The following MAPRE1 variants were observed in gnomAD, a reference collection of about 807,000 sequenced individuals.
MAPRE1 encodes microtubule associated protein RP/EB family member 1.
MAPRE1 carries 5 observed loss-of-function variants against 32.1 expected under a neutral mutation model. The observed-to-expected ratio is 0.16, with a 90% CI of 0.08 to 0.33. The LOEUF (loss-of-function observed/expected upper bound fraction) is 0.33, where lower values mean the gene tolerates loss of function less well. Among genes scored for constraint, MAPRE1 ranks in the 10% least tolerant of loss-of-function variants. MAPRE1 has a pLI of 1.00. For synonymous variants in MAPRE1, 122 were observed against 118.9 expected (o/e 1.03, Z -0.17); for missense variants, 209 against 327.2 (o/e 0.64, Z 2.79).
intron 4 of MAPRE1, among the ~76,000 whole-genome samples, chr20:32,837,719 G>A (rs761356745): frequency 6.6e-6 from 1 of 152,166 alleles, no homozygotes; most frequent in Non-Finnish European, 1.5e-5. Context: ...AAGTTAAACG[G>A]TTTTTAATAT....
intron 2 of MAPRE1, among the ~76,000 whole-genome samples, chr20:32,830,010 C>T (rs1982973344): frequency 6.6e-6 from 1 of 152,014 alleles, no homozygotes; most frequent in Admixed American, 6.6e-5. Flanking sequence ...GTGAATTGTT[C>T]CTGTGTTGCA....
chr20:32,838,699 C>CG (rs1279919134), intron 4 of MAPRE1, among the ~76,000 whole-genome samples: 1 of 152,174 alleles, frequency 6.6e-6, no homozygotes, highest in African/African-American at 2.4e-5. Context: ...TAGATAACCC[C>CG]GTGCATTTCA....
intron 5 of MAPRE1, among the ~76,000 whole-genome samples, chr20:32,846,295 T>C (rs1246377105): frequency 6.6e-6 from 1 of 152,222 alleles, no homozygotes; most frequent in Non-Finnish European, 1.5e-5. Context: ...GGACTCAGTT[T>C]ATGATTGTCA....
chr20:32,819,907 G>A (rs1161336465), upstream of MAPRE1: 1 of 142,192 alleles, frequency 7.0e-6, no homozygotes, highest in Non-Finnish European at 1.6e-5. Context: ...ACGTCGGCGC[G>A]TAACGAGGGG....
At chr20:32,835,058 G>A (rs1568879842) in intron 3 of MAPRE1, among the ~76,000 whole-genome samples, 1 of 152,074 alleles carries the variant, frequency 6.6e-6, no homozygotes, top group Non-Finnish European at 1.5e-5. Flanking sequence ...GGAATCTTTG[G>A]AGATTAAAAG....
chr20:32,841,152 C>T (rs76226914), intron 5 of MAPRE1, among the ~76,000 whole-genome samples: 2,044 of 152,286 alleles, frequency 0.013, 42 homozygotes, highest in African/African-American at 0.047. Context: ...GTGTGTGCCC[C>T]GTGGTCTTAG....
At position 32,849,389 on chromosome 20, in the gene MAPRE1, C is replaced by T. The variant is rs1342394396; in HGVS notation, c.*661C>T. ...AGCTAAAAAGCAAGAGGCATCGTTG[C>T]CTGGATAATAGAGGATGTGTTTCAG... is the stretch of plus-strand genomic sequence containing the variant. On this transcript the variant is annotated 3_prime_UTR_variant, in exon 7 of 7. Transcript: ENST00000375571. 6.6e-6 allele frequency: 1 copy of T among 152,144 alleles called. No homozygotes were observed. Among genetic ancestry groups the T allele is most frequent in the East Asian group, 1.9e-4 (1 of 5,198 alleles). The allele number at this position is 152,144 out of a possible 1,614,324, so 9.4% of individuals were successfully genotyped here.
chr20:32,824,125 G>A (rs1174669423), intron 1 of MAPRE1, among the ~76,000 whole-genome samples: 4 of 152,216 alleles, frequency 2.6e-5, no homozygotes, highest in Non-Finnish European at 4.4e-5. Flanking sequence ...GTTTGTTGGT[G>A]TATTTGGTCA....
rs751298127 is a variant in MAPRE1, at chr20:32,839,721, GCT to G, written c.476-9_476-8del. 9.3e-6 allele frequency: 15 copies of G among 1,613,044 alleles called. No homozygotes were observed. Among genetic ancestry groups the G allele is most frequent in the Non-Finnish European group, 1.3e-5 (15 of 1,179,718 alleles). ...GAATTACTCCTTTTCAAAAACCTGTGCTCTCTTTTTCAGCTCCCCAGAGGCCC... is the reference window on the plus strand; with the variant it reads ...GAATTACTCCTTTTCAAAAACCTGTGCTCTTTTTCAGCTCCCCAGAGGCCC... On this transcript the variant is annotated splice_polypyrimidine_tract_variant and intron_variant, in intron 4 of 6. Coordinates refer to ENST00000375571, the MANE Select transcript of MAPRE1 (RefSeq NM_012325.3).
intron 2 of MAPRE1, among the ~76,000 whole-genome samples, chr20:32,831,529 T>G (rs1305040974): frequency 6.6e-6 from 1 of 151,888 alleles, no homozygotes; most frequent in African/African-American, 2.4e-5. Context: ...ATTGTCTCTT[T>G]TTTGTTGTTT....
Position 32,848,801 on chromosome 20 carries a change from T to A in MAPRE1, c.*73T>A. 7.3e-7 allele frequency: 1 copy of A among 1,362,916 alleles called. No homozygotes were observed. Among genetic ancestry groups the A allele is most frequent in the African/African-American group, 1.5e-5 (1 of 68,830 alleles). 84.4% of individuals were successfully genotyped at this position (1,362,916 alleles called of 1,614,324 possible). ...GTGCTTAACTGTAAAATACTCCCTT[T>A]TGTTATCCTTAGAGGACTCACTGGT... On this transcript the variant is annotated 3_prime_UTR_variant, in exon 7 of 7. Coordinates refer to ENST00000375571, the MANE Select transcript of MAPRE1 (RefSeq NM_012325.3).
At chr20:32,840,242 T>C (rs1489912818) in intron 5 of MAPRE1, among the ~76,000 whole-genome samples, 1 of 152,160 alleles carries the variant, frequency 6.6e-6, no homozygotes, top group Non-Finnish European at 1.5e-5. Context: ...TCACTGGAGA[T>C]TGGAATTCAG....
At chr20:32,825,877 G>T (rs775749833) in intron 1 of MAPRE1, 48 bp from the exon 2 acceptor site, 13 of 1,506,776 alleles carry the variant, frequency 8.6e-6, no homozygotes, top group Non-Finnish European at 1.1e-5. Flanking sequence ...GACCTTACTT[G>T]CATGCCTAAT....
At chr20:32,841,717 T>C (rs1327749545) in intron 5 of MAPRE1, among the ~76,000 whole-genome samples, 1 of 150,124 alleles carries the variant, frequency 6.7e-6, no homozygotes, top group African/African-American at 2.4e-5. Context: ...GAGCCCAGGC[T>C]TGGGGTTCCA....
chr20:32,833,877 T>C lies in MAPRE1; in HGVS notation c.267+15T>C, dbSNP rs200202915. ...GTGTTGACAAAGTAAGTAAACGTTATCTTTTATTGTGGTTAATGTTCCTTA... is the reference window on the plus strand; with the variant it reads ...GTGTTGACAAAGTAAGTAAACGTTACCTTTTATTGTGGTTAATGTTCCTTA... On this transcript the variant is annotated intron_variant, in intron 3 of 6. Transcript: ENST00000375571. 1.2e-6 allele frequency: 2 copies of C among 1,607,318 alleles called. No homozygotes were observed. The highest frequency in any genetic ancestry group is 4.5e-5 in the East Asian group (2 of 44,772).
chr20:32,849,879 A>G lies in MAPRE1; in HGVS notation c.*1151A>G, dbSNP rs1208554871. ...TGCCAGTGCACTAATCTCTTTGGAG[A>G]TAAAATTCATTAGTGTGTTACTAAA... is the stretch of plus-strand genomic sequence containing the variant. On this transcript the variant is annotated 3_prime_UTR_variant, in exon 7 of 7. Transcript: ENST00000375571. The G allele has an allele frequency of 6.6e-6, 1 of 152,632 alleles. No individual in the cohort carries two copies. Among genetic ancestry groups the G allele is most frequent in the Admixed American group, 6.5e-5 (1 of 15,282 alleles). The allele number at this position is 152,632 out of a possible 1,614,324, so 9.5% of individuals were successfully genotyped here.
At chr20:32,833,538 G>T (rs983719392) in intron 2 of MAPRE1, among the ~76,000 whole-genome samples, 179 bp from the exon 3 acceptor site, 5 of 152,122 alleles carry the variant, frequency 3.3e-5, no homozygotes, top group African/African-American at 1.2e-4. Context: ...GAATATATGG[G>T]GTGAAAACCA....
rs564742924 is a variant in MAPRE1 at position 32,836,628 on chromosome 20, CT to C, written c.268-5del. 1 of 1,576,080 alleles carries C rather than the reference CT, an allele frequency of 6.3e-7. No homozygotes were observed. The highest frequency in any genetic ancestry group is 8.7e-7 in the Non-Finnish European group (1 of 1,147,406). On this transcript the variant is annotated splice_polypyrimidine_tract_variant and splice_region_variant and intron_variant, in intron 3 of 6. Coordinates refer to ENST00000375571, the MANE Select transcript of MAPRE1 (RefSeq NM_012325.3). The stretch of plus-strand genomic sequence containing the variant: ...TTTGGGGCTAAACAGTTGTTTTTCT[CT>C]GCAGATAATTCCTGTGGACAAATTA...
chr20:32,843,849 GTTTTT>G (rs58476543), intron 5 of MAPRE1, among the ~76,000 whole-genome samples: 4 of 143,082 alleles, frequency 2.8e-5, no homozygotes, highest in African/African-American at 1.0e-4. Context: ...CTAGCTACAG[GTTTTT>G]TTTTTTTTTT....
Sources: allele counts gnomAD v4.1 joint callset (sites outside exome capture counted in the v4.1 genomes callset), GRCh38; gene constraint gnomAD v4.1.1; transcripts MANE v1.5; gene names NCBI Gene and HGNC (gene_info 2026-07-23, HGNC 2026-07-21).